The following PPL variants were observed in gnomAD, a reference collection of about 807,000 sequenced individuals.
The protein encoded by PPL is periplakin.
PPL carries 198 observed loss-of-function variants against 194.4 expected under a neutral mutation model. The observed-to-expected ratio is 1.02, with a 90% CI of 0.91 to 1.15. The LOEUF is 1.15. Among genes scored for constraint, PPL ranks in the 50% most tolerant of loss-of-function variants. The probability of loss-of-function intolerance (pLI) is 0.00; values close to 1 mark genes in which losing one functional copy is unlikely to be tolerated. For missense variants in PPL, 2,885 were observed against 2,294.8 expected, an observed-to-expected ratio of 1.26 and a Z score of -5.25; for synonymous variants, 1,220 against 972.4, an observed-to-expected ratio of 1.25 and a Z score of -4.74.
At position 4,884,262 on chromosome 16, in the gene PPL, G is replaced by A. The variant is rs1490217169; in HGVS notation, c.4393C>T (p.Gln1465Ter). ...CGCCGGTGCTGCTCTTCTTCCAGCT[G>A]GAGTCGGAGCAGGGCATGCTCTCGC... ...QAREHALLRLQLEEEQHRRQL... is the reference protein window; with the variant it reads ...QAREHALLRL Residue 1465 changes from glutamine (Q) to a stop codon, truncating the protein, a stop_gained, in exon 22 of 22, where the codon CAG (glutamine) becomes TAG (stop). Coordinates refer to ENST00000345988, the MANE Select transcript of PPL (RefSeq NM_002705.5). LOFTEE classifies it high-confidence loss of function. The surrounding 1 kb of genome is among the most constrained non-coding windows in gnomAD (Gnocchi z 5.7). 2 of 1,613,136 alleles carry A rather than the reference G, an allele frequency of 1.2e-6. No individual in the cohort carries two copies. Among genetic ancestry groups the A allele is most frequent in the Non-Finnish European group, 1.7e-6 (2 of 1,179,784 alleles).
intron 1 of PPL, among the ~76,000 whole-genome samples, chr16:4,923,238 C>G (rs2089086417): frequency 6.6e-6 from 1 of 152,240 alleles, no homozygotes; most frequent in Non-Finnish European, 1.5e-5. Flanking sequence ...TCCTGCGCAT[C>G]CTCCTCCATC....
intron 1 of PPL, among the ~76,000 whole-genome samples, chr16:4,933,595 C>G (rs2089252697): frequency 6.6e-6 from 1 of 152,174 alleles, no homozygotes; most frequent in African/African-American, 2.4e-5. Context: ...AGGCCTGTCA[C>G]AAAGTATGTG....
At chr16:4,931,339 G>C (rs565299845) in intron 1 of PPL, among the ~76,000 whole-genome samples, 19 of 152,276 alleles carry the variant, frequency 1.2e-4, no homozygotes, top group African/African-American at 3.6e-4. Context: ...ACTCCAATCT[G>C]GGTGATACAG....
chr16:4,895,766 T>C (rs754878119), intron 9 of PPL, 50 bp from the exon 10 acceptor site: 1 of 1,611,398 alleles, frequency 6.2e-7, no homozygotes, highest in Non-Finnish European at 8.5e-7. Flanking sequence ...TAGAAGCACC[T>C]GGGCTTCTGT....
intron 16 of PPL, 126 bp from the exon 17 acceptor site, chr16:4,891,047 C>T (rs918142188): frequency 2.6e-5 from 20 of 759,996 alleles, no homozygotes; most frequent in Middle Eastern, 3.9e-4. Flanking sequence ...TAGGAAGGAC[C>T]GGAGCCTTGC....
chr16:4,884,037 G>A lies in PPL; in HGVS notation c.4618C>T (p.Leu1540=). ...KRELDVEVSR[L]EARLSELEFH... ...TCCAGCTCCGAAAGCCTGGCTTCCA[G>A]CCGGCTCACCTCGACGTCCAGCTCG... Residue 1540 remains leucine (L), a synonymous_variant, in exon 22 of 22, where the codon CTG becomes TTG. Transcript: ENST00000345988. This position sits in a 1 kb window ranked among gnomAD's most constrained non-coding sequence, Gnocchi z 5.7. 3 of 1,613,662 alleles carry A rather than the reference G, an allele frequency of 1.9e-6. No homozygotes were observed. The highest frequency in any genetic ancestry group is 1.1e-5 in the South Asian group (1 of 91,088).
In PPL at chr16:4,887,151, A is replaced by T; in HGVS notation, c.2591T>A (p.Leu864Gln). The change falls in exon 21 of 22, where the codon CTG (leucine) becomes CAG (glutamine). Residue 864 changes from leucine to glutamine, a missense_variant. Transcript: ENST00000345988. ...ATCAGTTACCTGTCTGAGGAGATTC[A>T]GAGCAAACTCCAGATTCTGCAGCCT... ...RQRLQNLEFA[L>Q]NLLRQQPEVE... is the part of the protein sequence containing the mutation. The T allele has an allele frequency of 6.2e-7, 1 of 1,613,674 alleles. No homozygotes were observed. The highest frequency in any genetic ancestry group is 8.5e-7 in the Non-Finnish European group (1 of 1,179,568).
intron 1 of PPL, among the ~76,000 whole-genome samples, chr16:4,929,798 C>G (rs958340408): frequency 6.6e-6 from 1 of 152,098 alleles, no homozygotes; most frequent in African/African-American, 2.4e-5. Context: ...GGATCCTCCC[C>G]TCTCAGCCTC....
chr16:4,887,912 C>T (rs2142332434), intron 20 of PPL, among the ~76,000 whole-genome samples, 190 bp downstream of exon 20: 1 of 152,328 alleles, frequency 6.6e-6, no homozygotes, highest in Middle Eastern at 3.4e-3. Flanking sequence ...TCTTTCTAGG[C>T]ATATTGATGT....
intron 12 of PPL, among the ~76,000 whole-genome samples, chr16:4,893,984 C>A (rs890703171): frequency 1.3e-5 from 2 of 152,168 alleles, no homozygotes; most frequent in African/African-American, 4.8e-5. Context: ...GCAAGGAGTT[C>A]CTGGGCACCT....
At chr16:4,893,701 G>A in intron 12 of PPL, 63 bp from the exon 13 acceptor site, 7 of 1,386,904 alleles carry the variant, frequency 5.0e-6, no homozygotes, top group South Asian at 2.5e-5. Flanking sequence ...CCACAGAGGC[G>A]GGACTGCGGA....
chr16:4,935,290 C>G (rs994909415), intron 1 of PPL, among the ~76,000 whole-genome samples: 2 of 152,240 alleles, frequency 1.3e-5, no homozygotes, highest in Non-Finnish European at 2.9e-5. Context: ...GGATGGAGAG[C>G]TGCACGAAGG....
rs751026334 is a variant in PPL, at chr16:4,884,232, G to C, written c.4423C>G (p.Leu1475Val). ...AGGGTCTCGAGCTCCCCCTCCAGGAGCTGCCGCCGGTGCTGCTCTTCTTCC... is the reference window on the plus strand; with the variant it reads ...AGGGTCTCGAGCTCCCCCTCCAGGACCTGCCGCCGGTGCTGCTCTTCTTCC... Reference protein sequence around the residue: ...QLEEEQHRRQLLEGELETLRR... With the variant: ...QLEEEQHRRQVLEGELETLRR... Residue 1475 changes from leucine (L) to valine (V), a missense_variant, in exon 22 of 22, where the codon CTC becomes GTC. Physicochemically the swap from Leu to Val is conservative, Grantham distance 32. Transcript: ENST00000345988. The surrounding 1 kb of genome is among the most constrained non-coding windows in gnomAD (Gnocchi z 5.7). 6.2e-7 allele frequency: 1 copy of C among 1,613,808 alleles called. No homozygotes were observed. The highest frequency in any genetic ancestry group is 1.1e-5 in the South Asian group (1 of 91,088).
chr16:4,886,214 A>G (rs2075638), intron 21 of PPL, among the ~76,000 whole-genome samples, 167 bp from the exon 22 acceptor site: 12,346 of 146,518 alleles, frequency 0.084, 799 homozygotes, highest in East Asian at 0.2. Context: ...GGATCAAACA[A>G]CTAGTTTGGG....
chr16:4,914,472 A>G (rs766752398), intron 1 of PPL, among the ~76,000 whole-genome samples: 8 of 152,192 alleles, frequency 5.3e-5, no homozygotes, highest in Non-Finnish European at 1.0e-4. Context: ...CTGGGGATCC[A>G]TCCGTCTAGG....
Position 4,884,889 on chromosome 16 carries a change from C to A in PPL, c.3766G>T (p.Val1256Leu), listed in dbSNP as rs745369690. Reference sequence around the variant, plus strand: ...CTTTCGATCAGTCTGGTCTTGTCCACGATCTCCTCCCTGAGCCGCTGAAGC... The same window carrying A: ...CTTTCGATCAGTCTGGTCTTGTCCAAGATCTCCTCCCTGAGCCGCTGAAGC... ...KELQRLREEI[V>L]DKTRLIERCD... Residue 1256 changes from valine (V) to leucine (L), a missense_variant, in exon 22 of 22, where the codon GTG (valine) becomes TTG (leucine). Val to Leu is a conservative substitution (Grantham distance 32). Coordinates refer to ENST00000345988, the MANE Select transcript of PPL (RefSeq NM_002705.5). This position sits in a 1 kb window ranked among gnomAD's most constrained non-coding sequence, Gnocchi z 5.7. 1 of 1,614,134 alleles carries A rather than the reference C, an allele frequency of 6.2e-7. No individual in the cohort carries two copies. The highest frequency in any genetic ancestry group is 1.1e-5 in the South Asian group (1 of 91,088).
intron 6 of PPL, among the ~76,000 whole-genome samples, chr16:4,899,691 A>G (rs2088516629): frequency 6.7e-6 from 1 of 148,778 alleles, no homozygotes; most frequent in African/African-American, 2.4e-5. Context: ...ACCCTTACGG[A>G]ACTGACATTT....
intron 1 of PPL, among the ~76,000 whole-genome samples, chr16:4,920,345 G>GAGAGAAAGAAACAA (rs1427456398): frequency 4.0e-5 from 1 of 25,078 alleles, no homozygotes; most frequent in Non-Finnish European, 1.7e-4. Flanking sequence ...GAGAGAGAGA[G>GAGAGAAAGAAACAA]AGAAAGAAAG....
At chr16:4,903,213 CAAG>C (rs748087396) in intron 3 of PPL, among the ~76,000 whole-genome samples, 73 of 151,918 alleles carry the variant, frequency 4.8e-4, no homozygotes, top group Admixed American at 9.8e-4. Flanking sequence ...GGGCATGGGA[CAAG>C]GCAGGAGTCA....
Sources: gnomAD v4.1 joint callset for allele counts (sites outside exome capture counted in the v4.1 genomes callset) on GRCh38, gnomAD v4.1.1 for gene constraint, Gnocchi (gnomAD v3.1) non-coding constraint, MANE v1.5 for transcripts, NCBI Gene and HGNC (gene_info 2026-07-23, HGNC 2026-07-21) for gene names.